HERC3: variants seen among roughly 807,000 people sequenced by gnomAD.
The protein encoded by HERC3 is HECT and RLD domain containing E3 ubiquitin protein ligase 3.
HERC3 carries 58 observed loss-of-function variants against 129.9 expected under a neutral mutation model. The ratio of observed to expected loss-of-function variants is 0.45; its 90% CI spans 0.36 to 0.56. HERC3 has a LOEUF of 0.56. Ranked by LOEUF, HERC3 falls within the 20% of genes least tolerant of loss-of-function variation. The probability of loss-of-function intolerance (pLI) is 0.00; values close to 1 mark genes in which losing one functional copy is unlikely to be tolerated. For missense variants in HERC3, 835 were observed against 1,244.2 expected (o/e 0.67, Z 4.95); for synonymous variants, 430 against 451.0 (o/e 0.95, Z 0.59).
chr4:88,604,758 G>A (rs1456468570), intron 2 of HERC3, among the ~76,000 whole-genome samples: 1 of 152,168 alleles, frequency 6.6e-6, no homozygotes, highest in Non-Finnish European at 1.5e-5. Flanking sequence ...TAGTCTTGCA[G>A]TTCTCTTGGG....
intron 2 of HERC3, among the ~76,000 whole-genome samples, chr4:88,602,287 A>G (rs1723081911): frequency 1.3e-5 from 2 of 150,800 alleles, no homozygotes; most frequent in African/African-American, 2.4e-5. Context: ...CTGTAATCCC[A>G]GCTACTTGAG....
At chr4:88,570,588 G>A in the HERC3 span, among the ~76,000 whole-genome samples, 2 of 152,046 alleles carry the variant, frequency 1.3e-5, no homozygotes, top group African/African-American at 4.8e-5. Context: ...CAGGAAGTGG[G>A]TACACAGTAG....
intron 3 of HERC3, among the ~76,000 whole-genome samples, chr4:88,609,532 T>C (rs1724057514): frequency 6.6e-6 from 1 of 152,182 alleles, no homozygotes; most frequent in African/African-American, 2.4e-5. Context: ...TCTAGTTTTT[T>C]ATCTACCAGG....
At chr4:88,544,985 G>A in the HERC3 span, among the ~76,000 whole-genome samples, 1 of 152,012 alleles carries the variant, frequency 6.6e-6, no homozygotes, top group African/African-American at 2.4e-5. Flanking sequence ...AACCAACATG[G>A]CGCATGTATA....
chr4:88,677,438 C>G (rs1337618538), intron 18 of HERC3, among the ~76,000 whole-genome samples: 1 of 152,130 alleles, frequency 6.6e-6, no homozygotes, highest in East Asian at 1.9e-4. Flanking sequence ...CTTCATTTAT[C>G]TTTCCCTCTC....
chr4:88,608,770 A>C (rs544464596), intron 3 of HERC3, among the ~76,000 whole-genome samples: 1 of 152,298 alleles, frequency 6.6e-6, no homozygotes, highest in Non-Finnish European at 1.5e-5. Flanking sequence ...GTGTCTAACA[A>C]GTAATGCATT....
At position 88,649,954 on chromosome 4, in the gene HERC3, G is replaced by A; in HGVS notation, c.341G>A (p.Gly114Asp). 2 of 1,614,108 alleles carry A rather than the reference G, an allele frequency of 1.2e-6. No individual in the cohort carries two copies. Among genetic ancestry groups the A allele is most frequent in the Non-Finnish European group, 1.7e-6 (2 of 1,180,002 alleles). The change falls in exon 4 of 26, where the codon GGT becomes GAT. Residue 114 changes from glycine to aspartate, a missense_variant. Coordinates refer to ENST00000402738, the MANE Select transcript of HERC3 (RefSeq NM_014606.3). ...QLFSWGAGSDGQLGLMTTEDS... is the reference protein window; with the variant it reads ...QLFSWGAGSDDQLGLMTTEDS... ...TTTTCTTGGGGTGCAGGGAGTGATGGTCAGCTAGGACTCATGACTACTGAG... is the reference window on the plus strand; with the variant it reads ...TTTTCTTGGGGTGCAGGGAGTGATGATCAGCTAGGACTCATGACTACTGAG...
intron 19 of HERC3, among the ~76,000 whole-genome samples, 196 bp from the exon 20 acceptor site, chr4:88,679,897 T>A (rs116317711): frequency 0.023 from 3,464 of 152,308 alleles, 67 homozygotes; most frequent in Non-Finnish European, 0.036. Context: ...GTAAAAATTG[T>A]ATGTATCTAT....
chr4:88,552,066 T>C, the HERC3 span, among the ~76,000 whole-genome samples: 1 of 142,472 alleles, frequency 7.0e-6, no homozygotes, highest in African/African-American at 2.6e-5. Context: ...TTCTCACTCA[T>C]AGATGGGAAT....
intron 23 of HERC3, among the ~76,000 whole-genome samples, chr4:88,700,776 G>C (rs942784317): frequency 6.6e-6 from 1 of 152,164 alleles, no homozygotes; most frequent in Non-Finnish European, 1.5e-5. Context: ...CCCGAAATCT[G>C]CAGGGTAGGC....
chr4:88,659,691 T>C (rs1378405998), intron 10 of HERC3, among the ~76,000 whole-genome samples: 3 of 152,238 alleles, frequency 2.0e-5, no homozygotes, highest in Non-Finnish European at 2.9e-5. Context: ...AGGCACTGAC[T>C]CTGTGGAGGA....
intron 23 of HERC3, among the ~76,000 whole-genome samples, chr4:88,695,592 T>G (rs778828902): frequency 3.9e-5 from 6 of 152,170 alleles, no homozygotes; most frequent in Non-Finnish European, 7.4e-5. Flanking sequence ...TAGGGAGGGA[T>G]GTAGTGATGT....
At chr4:88,659,071 C>G (rs752941558) in intron 10 of HERC3, among the ~76,000 whole-genome samples, 6 of 151,890 alleles carry the variant, frequency 4.0e-5, no homozygotes, top group Non-Finnish European at 5.9e-5. Context: ...TGACAGGGCT[C>G]GAATTCCTTC....
chr4:88,605,816 T>C lies in HERC3; in HGVS notation c.-8T>C. On this transcript the variant is annotated 5_prime_UTR_variant, in exon 3 of 26. Coordinates refer to ENST00000402738, the MANE Select transcript of HERC3 (RefSeq NM_014606.3). ...CTAGGCTACATGATTCCCTGAAAGA[T>C]AAGAACAATGTTATGTTGGGGATAT... The C allele has an allele frequency of 6.2e-7, 1 of 1,608,782 alleles. No homozygotes were observed. Among genetic ancestry groups the C allele is most frequent in the Non-Finnish European group, 8.5e-7 (1 of 1,175,124 alleles).
intron 3 of HERC3, among the ~76,000 whole-genome samples, chr4:88,622,472 A>G (rs943362673): frequency 7.8e-6 from 1 of 128,552 alleles, no homozygotes; most frequent in African/African-American, 3.3e-5. Flanking sequence ...GTGTGGACAC[A>G]TGTTTTCATT....
chr4:88,662,157 C>A (rs577809185), intron 10 of HERC3, among the ~76,000 whole-genome samples: 1 of 152,142 alleles, frequency 6.6e-6, no homozygotes, highest in African/African-American at 2.4e-5. Context: ...TCAGCCAGTC[C>A]TGAGTTGAGG....
chr4:88,692,695 T>C (rs1480329714), intron 23 of HERC3, among the ~76,000 whole-genome samples: 1 of 152,170 alleles, frequency 6.6e-6, no homozygotes, highest in Non-Finnish European at 1.5e-5. Context: ...CATGTAAGAC[T>C]CCCCATTTAC....
intron 3 of HERC3, among the ~76,000 whole-genome samples, chr4:88,642,000 G>T (rs1728150186): frequency 1.3e-5 from 2 of 151,710 alleles, no homozygotes; most frequent in African/African-American, 4.8e-5. Flanking sequence ...GCATGCTGGT[G>T]CATGCCTGTA....
chr4:88,628,582 C>T (rs1203370025), intron 3 of HERC3, among the ~76,000 whole-genome samples: 2 of 152,050 alleles, frequency 1.3e-5, no homozygotes, highest in African/African-American at 2.4e-5. Flanking sequence ...ATAGATGGAT[C>T]CCAATGCAGG....
Sources: gnomAD v4.1 joint callset for allele counts (sites outside exome capture counted in the v4.1 genomes callset) on GRCh38, gnomAD v4.1.1 for gene constraint, MANE v1.5 for transcripts, NCBI Gene and HGNC (gene_info 2026-07-23, HGNC 2026-07-21) for gene names.